The following COPG1 variants were observed in gnomAD, a reference collection of about 807,000 sequenced individuals.
COPG1 encodes the protein coat protein complex I subunit gamma 1, also known as coatomer subunit gamma-1.
COPG1 carries 29 observed loss-of-function variants against 102.8 expected under a neutral mutation model. The observed-to-expected ratio is 0.28, with a 90% CI of 0.21 to 0.38. The LOEUF (loss-of-function observed/expected upper bound fraction) is 0.38. COPG1 is among the 10% of genes least tolerant of loss of function. COPG1 has a pLI of 1.00. For missense variants in COPG1, 875 were observed against 1,132.7 expected, an observed-to-expected ratio of 0.77 and a Z score of 3.27; for synonymous variants, 406 against 421.6, an observed-to-expected ratio of 0.96 and a Z score of 0.45.
intron 12 of COPG1, among the ~76,000 whole-genome samples, chr3:129,262,340 C>T (rs1220764517): frequency 6.6e-6 from 1 of 151,672 alleles, no homozygotes; most frequent in Non-Finnish European, 1.5e-5. Flanking sequence ...GCAAGCTCCG[C>T]CTCCTGGGTT....
intron 21 of COPG1, 42 bp from the exon 22 acceptor site, chr3:129,274,796 G>A: frequency 1.2e-6 from 2 of 1,610,690 alleles, no homozygotes. Flanking sequence ...GAGGCCCGTA[G>A]GTGTGTAGAT....
chr3:129,268,149 C>G (rs1351770217), intron 16 of COPG1, 109 bp downstream of exon 16: 51 of 933,142 alleles, frequency 5.5e-5, no homozygotes, highest in Middle Eastern at 2.1e-4. Flanking sequence ...CTGGACTTGC[C>G]TGGCAACCTC....
At chr3:129,252,225 A>T in intron 2 of COPG1, 56 bp from the exon 3 acceptor site, 1 of 1,235,338 alleles carries the variant, frequency 8.1e-7, no homozygotes, top group Non-Finnish European at 1.2e-6. Context: ...CATTGAATAT[A>T]CTTGAAGGGA....
chr3:129,255,826 C>T (rs1576961464), intron 7 of COPG1, among the ~76,000 whole-genome samples: 1 of 152,318 alleles, frequency 6.6e-6, no homozygotes, highest in East Asian at 1.9e-4. Flanking sequence ...GAGTCCCACC[C>T]TTCTCAGTGA....
chr3:129,268,850 C>T (rs998618461), intron 17 of COPG1, 82 bp from the exon 18 acceptor site: 2 of 1,340,084 alleles, frequency 1.5e-6, no homozygotes, highest in Admixed American at 1.7e-5. Flanking sequence ...TTTATAATCC[C>T]TGAGTAATAG....
At chr3:129,250,147 A>G (rs1012020284) in intron 1 of COPG1, among the ~76,000 whole-genome samples, 3 of 152,226 alleles carry the variant, frequency 2.0e-5, no homozygotes, top group Non-Finnish European at 4.4e-5. Flanking sequence ...CTCTGACCCC[A>G]TCATTCATTT....
intron 19 of COPG1, 116 bp from the exon 20 acceptor site, chr3:129,272,128 G>A (rs1940193225): frequency 9.1e-7 from 1 of 1,095,338 alleles, no homozygotes; most frequent in Non-Finnish European, 1.3e-6. Context: ...GGGGCAGGGG[G>A]ACTGGGATGG....
At position 129,249,734 on chromosome 3, in the gene COPG1, G is replaced by A. The variant is rs777274231; in HGVS notation, c.25G>A (p.Asp9Asn). MLKKFDKK[D>N]EESGGGSNPF... The stretch of plus-strand genomic sequence containing the variant: ...TATGTTGAAGAAATTCGACAAGAAG[G>A]ATGAGGAGTCAGGTGAGGGGGCCAG... Residue 9 changes from aspartate to asparagine, a missense_variant, in exon 1 of 24, where the codon GAT (aspartate) becomes AAT (asparagine). By Grantham distance (23) the Asp-to-Asn change is conservative. Coordinates refer to ENST00000314797, the MANE Select transcript of COPG1 (RefSeq NM_016128.4). 3 of 1,551,594 alleles carry A rather than the reference G, an allele frequency of 1.9e-6. No homozygotes were observed. Among genetic ancestry groups the A allele is most frequent in the South Asian group, 1.2e-5 (1 of 84,034 alleles).
chr3:129,263,990 G>T lies in COPG1; in HGVS notation c.1215G>T (p.Leu405=), dbSNP rs140496288. 24 of 1,613,846 alleles carry T rather than the reference G, an allele frequency of 1.5e-5. No homozygotes were observed. Among genetic ancestry groups the T allele is most frequent in the Non-Finnish European group, 1.9e-5 (23 of 1,179,920 alleles). The change falls in exon 13 of 24, where the codon CTG becomes CTT. Residue 405 remains leucine, a synonymous_variant. Transcript: ENST00000314797. ...AVLMNFLFTM[L]REEGGFEYKR... ...TTATGAACTTCCTGTTCACCATGCT[G>T]CGGGAAGAGGTAAGAGTCAGGGGCA...
intron 15 of COPG1, 159 bp downstream of exon 15, chr3:129,267,258 A>G (rs1232837527): frequency 3.6e-6 from 2 of 550,744 alleles, no homozygotes; most frequent in Non-Finnish European, 6.4e-6. Context: ...ATGAAAAACA[A>G]TGCTGTGCAA....
chr3:129,267,085 G>A lies in COPG1; in HGVS notation c.1530G>A (p.Leu510=). 6.2e-7 allele frequency: 1 copy of A among 1,613,782 alleles called. No individual in the cohort carries two copies. The highest frequency in any genetic ancestry group is 8.5e-7 in the Non-Finnish European group (1 of 1,179,802). ...AQNEEMLPSI[L]VLLKRCVMDD... ...ATGAAGAGATGTTACCCAGTATCTT[G>A]GTGTTGCTGAAGAGGTGAGTCTAGG... The change falls in exon 15 of 24, where the codon TTG becomes TTA. Residue 510 remains leucine, a synonymous_variant. Coordinates refer to ENST00000314797, the MANE Select transcript of COPG1 (RefSeq NM_016128.4).
Position 129,272,795 on chromosome 3 carries a change from T to C in COPG1, c.2159-12T>C. ...GGGGACATCCTAACTACCCAGCCTCTCTTCCCCACAGTGGCCTGCACATTC... is the reference window on the plus strand; with the variant it reads ...GGGGACATCCTAACTACCCAGCCTCCCTTCCCCACAGTGGCCTGCACATTC... On this transcript the variant is annotated splice_polypyrimidine_tract_variant and intron_variant, in intron 20 of 23. Coordinates refer to ENST00000314797, the MANE Select transcript of COPG1 (RefSeq NM_016128.4). 6.3e-7 allele frequency: 1 copy of C among 1,596,530 alleles called. No homozygotes were observed. The highest frequency in any genetic ancestry group is 1.3e-5 in the African/African-American group (1 of 74,646).
intron 10 of COPG1, among the ~76,000 whole-genome samples, chr3:129,260,042 C>A (rs1239216600): frequency 6.6e-6 from 1 of 152,192 alleles, no homozygotes; most frequent in East Asian, 1.9e-4. Flanking sequence ...CTAGTGGTGG[C>A]TGCAAGCTAT....
chr3:129,252,743 G>T lies in COPG1; in HGVS notation c.243+49G>T, dbSNP rs1216702550. 3 of 1,580,304 alleles carry T rather than the reference G, an allele frequency of 1.9e-6. No homozygotes were observed. In the Admixed American group the frequency reaches 5.0e-5, roughly 26 times the overall value. ...CTTGAGAGGTGGCAGCTGTAACAAG[G>T]TGGTGGGAGGGCCAAAGAGAGCTGG... is the stretch of plus-strand genomic sequence containing the variant. On this transcript the variant is annotated intron_variant, in intron 4 of 23. Transcript: ENST00000314797.
In COPG1 at chr3:129,256,131, T is replaced by A; in HGVS notation, c.556T>A (p.Ser186Thr). Reference protein sequence around the residue: ...RWVNEAQEAASSDNIMVQYHA... With the variant: ...RWVNEAQEAATSDNIMVQYHA... ...GGTGAATGAGGCTCAGGAGGCAGCA[T>A]CCAGTGATAACATCATGGTCCAGGT... The change falls in exon 8 of 24, where the codon TCC (serine) becomes ACC (threonine). Residue 186 changes from serine (S) to threonine (T), a missense_variant. Coordinates refer to ENST00000314797, the MANE Select transcript of COPG1 (RefSeq NM_016128.4). 1 of 1,613,886 alleles carries A rather than the reference T, an allele frequency of 6.2e-7. No homozygotes were observed. Among genetic ancestry groups the A allele is most frequent in the Non-Finnish European group, 8.5e-7 (1 of 1,179,852 alleles).
chr3:129,250,583 CTA>C, intron 1 of COPG1, 97 bp from the exon 2 acceptor site: 1 of 954,590 alleles, frequency 1.0e-6, no homozygotes, highest in South Asian at 1.4e-5. Context: ...TTGAACTTTA[CTA>C]GATTTCCTAG....
At position 129,257,812 on chromosome 3, in the gene COPG1, G is replaced by A. The variant is rs1344157203; in HGVS notation, c.823G>A (p.Val275Ile). ...GGTGTATGAAGCCGCCTCGGCCATC[G>A]TCAATCTGCCAGGCTGCAGTGCCAA... ...MVVYEAASAIVNLPGCSAKEL... is the reference protein window; with the variant it reads ...MVVYEAASAIINLPGCSAKEL... Residue 275 changes from valine (V) to isoleucine (I), a missense_variant, in exon 10 of 24, where the codon GTC becomes ATC. Physicochemically the swap from Val to Ile is conservative, Grantham distance 29. Coordinates refer to ENST00000314797, the MANE Select transcript of COPG1 (RefSeq NM_016128.4). 21 of 1,614,080 alleles carry A rather than the reference G, an allele frequency of 1.3e-5. No homozygotes were observed. The highest frequency in any genetic ancestry group is 6.6e-5 in the South Asian group (6 of 91,072).
intron 10 of COPG1, 26 bp downstream of exon 10, chr3:129,257,886 C>G (rs114007375): frequency 0.024 from 38,674 of 1,609,170 alleles, 714 homozygotes; most frequent in Admixed American, 0.076. Flanking sequence ...TTCACCCAGC[C>G]TCACATGTTT....
At position 129,271,580 on chromosome 3, in the gene COPG1, G is replaced by A. The variant is rs1576969731; in HGVS notation, c.1844-187G>A. On this transcript the variant is annotated intron_variant, in intron 18 of 23. Coordinates refer to ENST00000314797, the MANE Select transcript of COPG1 (RefSeq NM_016128.4). The surrounding 1 kb of genome is among the most constrained non-coding windows in gnomAD (Gnocchi z 4.7). The stretch of plus-strand genomic sequence containing the variant: ...TTGTGGGGGGTTGTGCCACATGAGC[G>A]AAGTCAGGGAGATGAGAAAATGCAT... 6.6e-6 allele frequency among the ~76,000 whole-genome samples: 1 copy of A among 152,174 alleles called. No homozygotes were observed. The highest frequency in any genetic ancestry group is 2.4e-5 in the African/African-American group (1 of 41,434).
Sources: gnomAD v4.1 joint callset for allele counts (sites outside exome capture counted in the v4.1 genomes callset) on GRCh38, gnomAD v4.1.1 for gene constraint, Gnocchi (gnomAD v3.1) non-coding constraint, MANE v1.5 for transcripts, NCBI Gene and HGNC (gene_info 2026-07-23, HGNC 2026-07-21) for gene names.